The following PDE10A variants were observed in gnomAD, a reference collection of about 807,000 sequenced individuals.
PDE10A encodes phosphodiesterase 10A.
A neutral mutation model predicts 97.7 loss-of-function variants in PDE10A; 39 were observed. That is an observed-to-expected ratio of 0.40 (90% confidence interval 0.31 to 0.52). The LOEUF (loss-of-function observed/expected upper bound fraction) is 0.52, where lower values mean the gene tolerates loss of function less well. PDE10A is among the 20% of genes least tolerant of loss of function. The pLI is 0.56. For missense variants in PDE10A, 731 were observed against 1,047.8 expected (o/e 0.70, Z 4.17); for synonymous variants, 371 against 376.8 (o/e 0.98, Z 0.18).
At chr6:165,723,456 G>A (rs1017099049) in intron 1 of PDE10A, among the ~76,000 whole-genome samples, 5 of 152,160 alleles carry the variant, frequency 3.3e-5, no homozygotes, top group Non-Finnish European at 2.9e-5. Context: ...CCTTGTCCTT[G>A]TTCACATGAA....
At position 165,328,168 on chromosome 6, in the gene PDE10A, G is replaced by C. The variant is rs982765910; in HGVS notation, c.*4857C>G. 7.2e-5 allele frequency: 11 copies of C among 152,112 alleles called. No individual in the cohort carries two copies. Among genetic ancestry groups the C allele is most frequent in the African/African-American group, 2.7e-4 (11 of 41,416 alleles). 9.4% of individuals were successfully genotyped at this position (152,112 alleles called of 1,614,324 possible). On this transcript the variant is annotated 3_prime_UTR_variant, in exon 22 of 22. Coordinates refer to ENST00000539869, the MANE Select transcript of PDE10A (RefSeq NM_001385079.1). ...AACTTGCACACGAAATGAACACATA[G>C]CATATACACCATACAACAGATCATA...
At chr6:165,639,162 T>G (rs2128418854) in intron 1 of PDE10A, among the ~76,000 whole-genome samples, 1 of 151,964 alleles carries the variant, frequency 6.6e-6, no homozygotes, top group East Asian at 1.9e-4. Flanking sequence ...TTACCACCAT[T>G]TTACAGATTA....
At chr6:165,352,598 T>C (rs1428273834) in intron 18 of PDE10A, among the ~76,000 whole-genome samples, 1 of 151,964 alleles carries the variant, frequency 6.6e-6, no homozygotes, top group African/African-American at 2.4e-5. Flanking sequence ...TTTTAAAAGT[T>C]ATAGTTCCAT....
chr6:165,951,331 G>C (rs948219729), intron 1 of PDE10A, among the ~76,000 whole-genome samples: 1 of 152,010 alleles, frequency 6.6e-6, no homozygotes, highest in Admixed American at 6.6e-5. Context: ...TTTGAGTCTT[G>C]TAGAACTTCA....
intron 13 of PDE10A, among the ~76,000 whole-genome samples, chr6:165,401,142 A>G (rs76629643): frequency 4.2e-4 from 64 of 152,292 alleles, no homozygotes; most frequent in African/African-American, 1.5e-3. Context: ...TGTACACTTT[A>G]AACAGTTGTA....
At chr6:165,786,967 A>T (rs1778514444) in intron 1 of PDE10A, among the ~76,000 whole-genome samples, 1 of 152,170 alleles carries the variant, frequency 6.6e-6, no homozygotes. Context: ...GTTTATTAAC[A>T]TTTCTTTGCT....
chr6:165,450,293 C>T lies in PDE10A; in HGVS notation c.1093G>A (p.Gly365Arg). 1 of 1,602,418 alleles carries T rather than the reference C, an allele frequency of 6.2e-7. No homozygotes were observed. The highest frequency in any genetic ancestry group is 8.5e-7 in the Non-Finnish European group (1 of 1,170,368). Residue 365 changes from glycine (G) to arginine (R), a missense_variant, in exon 4 of 22, where the codon GGA becomes AGA. Gly to Arg is a moderately radical substitution (Grantham distance 125). Coordinates refer to ENST00000539869, the MANE Select transcript of PDE10A (RefSeq NM_001385079.1). The part of the protein sequence containing the change: ...NSYIEQRLDT[G>R]GDNQLLLYEL... ...TAGAGGAGTAGCTGGTTGTCTCCTC[C>T]TGTGTCCAACCGTTGTTCTATATAG...
At chr6:165,679,921 TG>T (rs1198556033) in intron 1 of PDE10A, among the ~76,000 whole-genome samples, 1 of 152,188 alleles carries the variant, frequency 6.6e-6, no homozygotes, top group Middle Eastern at 3.4e-3. Flanking sequence ...TTGAGTACTC[TG>T]GGACTCCCAT....
Position 165,388,629 on chromosome 6 carries a change from G to T in PDE10A, c.2455-176C>A, listed in dbSNP as rs780739572. 6.6e-6 allele frequency among the ~76,000 whole-genome samples: 1 copy of T among 152,252 alleles called. No individual in the cohort carries two copies. The highest frequency in any genetic ancestry group is 2.4e-5 in the African/African-American group (1 of 41,552). On this transcript the variant is annotated intron_variant, in intron 16 of 21. Coordinates refer to ENST00000539869, the MANE Select transcript of PDE10A (RefSeq NM_001385079.1). This position sits in a 1 kb window ranked among gnomAD's most constrained non-coding sequence, Gnocchi z 4.0. ...ACCCTTAGGAATCTTGGAAATTCCA[G>T]ATAATCTAACTCATTTGTAGGCCCT...
At chr6:165,555,106 TACC>T (rs1229110679) in intron 1 of PDE10A, among the ~76,000 whole-genome samples, 4 of 152,166 alleles carry the variant, frequency 2.6e-5, no homozygotes, top group Non-Finnish European at 5.9e-5. Context: ...TACTGTTTGA[TACC>T]ACATTAGGGT....
intron 1 of PDE10A, among the ~76,000 whole-genome samples, chr6:165,953,228 T>A (rs180969521): frequency 7.7e-4 from 118 of 152,324 alleles, no homozygotes; most frequent in African/African-American, 2.8e-3. Context: ...GAATTAAATA[T>A]TGTTTTCTAA....
chr6:165,821,723 A>T (rs1207418957), intron 1 of PDE10A, among the ~76,000 whole-genome samples: 2 of 151,930 alleles, frequency 1.3e-5, no homozygotes, highest in African/African-American at 4.8e-5. Flanking sequence ...TTGTGTTTTT[A>T]GTAGAGACAG....
chr6:165,724,273 A>AT (rs1318646624), intron 1 of PDE10A, among the ~76,000 whole-genome samples: 2 of 152,260 alleles, frequency 1.3e-5, no homozygotes, highest in South Asian at 4.1e-4. Flanking sequence ...AGGGGCTCAG[A>AT]TTTTTTACCT....
At chr6:165,805,737 C>T (rs1326325368) in intron 1 of PDE10A, among the ~76,000 whole-genome samples, 2 of 152,152 alleles carry the variant, frequency 1.3e-5, no homozygotes, top group Admixed American at 1.3e-4. Context: ...AAGATGAACT[C>T]TCAGAGGTAA....
intron 1 of PDE10A, among the ~76,000 whole-genome samples, chr6:165,656,272 ACACACACACACACACACACACAC>A (rs1271649947): frequency 1.5e-5 from 2 of 136,862 alleles, no homozygotes; most frequent in Non-Finnish European, 3.1e-5. Flanking sequence ...ACACACACAC[ACACACACACACACACACACACAC>A]ACCTTTCCAA....
intron 1 of PDE10A, among the ~76,000 whole-genome samples, chr6:165,839,855 CCCTG>C (rs1780178717): frequency 1.7e-5 from 2 of 117,056 alleles, no homozygotes; most frequent in Admixed American, 1.7e-4. Flanking sequence ...TCATCTCCAT[CCCTG>C]TCTCCATTCC....
At chr6:165,895,906 C>T (rs530321197) in intron 1 of PDE10A, among the ~76,000 whole-genome samples, 11 of 152,314 alleles carry the variant, frequency 7.2e-5, no homozygotes, top group African/African-American at 1.9e-4. Flanking sequence ...GCAGATTGCA[C>T]AATCCCACCT....
At chr6:165,839,896 T>TCACCA (rs1562762551) in intron 1 of PDE10A, among the ~76,000 whole-genome samples, 4 of 151,500 alleles carry the variant, frequency 2.6e-5, no homozygotes, top group Non-Finnish European at 4.4e-5. Flanking sequence ...TCCATCCCCA[T>TCACCA]TCCCATCTCC....
intron 1 of PDE10A, among the ~76,000 whole-genome samples, chr6:165,548,925 G>A (rs932408286): frequency 2.6e-5 from 4 of 152,120 alleles, no homozygotes; most frequent in African/African-American, 4.8e-5. Context: ...GTATTACTAC[G>A]AAACCATATA....
Sources: allele counts gnomAD v4.1 joint callset (sites outside exome capture counted in the v4.1 genomes callset), GRCh38; gene constraint gnomAD v4.1.1; non-coding constraint Gnocchi (gnomAD v3.1); transcripts MANE v1.5; gene names NCBI Gene and HGNC (gene_info 2026-07-23, HGNC 2026-07-21).